COL25A1: variants seen among roughly 807,000 people sequenced by gnomAD.
COL25A1 encodes collagen alpha-1(XXV) chain.
A neutral mutation model predicts 128.4 loss-of-function variants in COL25A1; 103 were observed. The ratio of observed to expected loss-of-function variants is 0.80; its 90% confidence interval spans 0.68 to 0.94. COL25A1 has a LOEUF of 0.94. Among genes scored for constraint, COL25A1 ranks in the 40% least tolerant of loss-of-function variants. COL25A1 has a pLI of 0.00. For synonymous variants in COL25A1, 279 were observed against 277.2 expected (o/e 1.01, Z -0.06); for missense variants, 745 against 840.0 (o/e 0.89, Z 1.40).
chr4:109,078,256 T>G (rs1235431589), intron 3 of COL25A1, among the ~76,000 whole-genome samples: 37 of 152,152 alleles, frequency 2.4e-4, no homozygotes. Flanking sequence ...TAAATAAGAG[T>G]CAGGGATCTT....
At chr4:109,242,737 G>A (rs768948669) in intron 3 of COL25A1, among the ~76,000 whole-genome samples, 32 of 152,078 alleles carry the variant, frequency 2.1e-4, no homozygotes, top group Middle Eastern at 6.8e-3. Flanking sequence ...AGTTTGGGAA[G>A]TTCCTTATGC....
intron 37 of COL25A1, among the ~76,000 whole-genome samples, chr4:108,816,154 T>G (rs770432535): frequency 2.0e-5 from 3 of 152,144 alleles, no homozygotes; most frequent in Non-Finnish European, 4.4e-5. Flanking sequence ...TCAAGCTAAT[T>G]ATCTGACAGG....
intron 3 of COL25A1, among the ~76,000 whole-genome samples, chr4:109,164,526 T>G (rs1772886481): frequency 6.6e-6 from 1 of 152,164 alleles, no homozygotes; most frequent in African/African-American, 2.4e-5. Context: ...GAGACAGGAT[T>G]TGAGGAAACT....
At chr4:109,290,083 A>G (rs559459779) in intron 3 of COL25A1, among the ~76,000 whole-genome samples, 38 of 152,190 alleles carry the variant, frequency 2.5e-4, no homozygotes, top group African/African-American at 8.2e-4. Context: ...AATTCCTCTG[A>G]GATTTCTTCT....
rs372178594 is a variant in COL25A1, at chr4:108,832,375, C to T, written c.1710+5G>A. ...ACAAGCTTAATAACCTCAGCAACAA[C>T]TTACTCTTTCTCCTTTGGGACCTGC... On this transcript the variant is annotated splice_donor_5th_base_variant and intron_variant, in intron 32 of 37. Coordinates refer to ENST00000399132, the MANE Select transcript of COL25A1 (RefSeq NM_198721.4). The T allele has an allele frequency of 6.2e-7, 1 of 1,606,992 alleles. No individual in the cohort carries two copies. Among genetic ancestry groups the T allele is most frequent in the Non-Finnish European group, 8.5e-7 (1 of 1,175,466 alleles).
At chr4:109,057,741 G>T (rs1471243857) in intron 3 of COL25A1, among the ~76,000 whole-genome samples, 2 of 152,040 alleles carry the variant, frequency 1.3e-5, no homozygotes, top group Admixed American at 1.3e-4. Flanking sequence ...GTGGAGAGAG[G>T]TCAATAAACC....
chr4:108,871,460 C>G (rs1022994995), intron 19 of COL25A1, among the ~76,000 whole-genome samples: 1 of 151,762 alleles, frequency 6.6e-6, no homozygotes, highest in African/African-American at 2.4e-5. Context: ...GGACTACAGG[C>G]GCCCGCCACT....
chr4:108,932,594 A>G (rs1433190816), intron 11 of COL25A1, among the ~76,000 whole-genome samples: 1 of 152,206 alleles, frequency 6.6e-6, no homozygotes, highest in Non-Finnish European at 1.5e-5. Context: ...AAAGAGTTTC[A>G]GAACAGGAAA....
chr4:108,985,223 A>T (rs1342767876), intron 6 of COL25A1, among the ~76,000 whole-genome samples: 1 of 152,082 alleles, frequency 6.6e-6, no homozygotes, highest in Non-Finnish European at 1.5e-5. Context: ...AGTGAAGAAC[A>T]CTGTACCTAC....
intron 11 of COL25A1, among the ~76,000 whole-genome samples, chr4:108,927,302 T>C (rs1746182960): frequency 6.6e-6 from 1 of 152,194 alleles, no homozygotes; most frequent in Non-Finnish European, 1.5e-5. Flanking sequence ...TCCACTTGAC[T>C]AAAAATCCAC....
chr4:109,158,629 T>C (rs1427284044), intron 3 of COL25A1, among the ~76,000 whole-genome samples: 2 of 152,260 alleles, frequency 1.3e-5, no homozygotes, highest in South Asian at 2.1e-4. Flanking sequence ...GGGACAGAGA[T>C]CATGGACAAT....
intron 19 of COL25A1, among the ~76,000 whole-genome samples, chr4:108,883,210 A>G (rs1197614724): frequency 6.6e-6 from 1 of 151,852 alleles, no homozygotes; most frequent in African/African-American, 2.4e-5. Flanking sequence ...TGTATTTTTC[A>G]TAGATACAGG....
chr4:108,868,339 A>T (rs1738195977), intron 20 of COL25A1, among the ~76,000 whole-genome samples: 1 of 152,104 alleles, frequency 6.6e-6, no homozygotes, highest in Non-Finnish European at 1.5e-5. Flanking sequence ...GTGCCATTAG[A>T]AGTGTTAGTA....
intron 3 of COL25A1, among the ~76,000 whole-genome samples, chr4:109,138,646 CTGT>C (rs1770050630): frequency 2.6e-5 from 4 of 152,150 alleles, no homozygotes; most frequent in African/African-American, 9.7e-5. Context: ...TCTCCAGCAT[CTGT>C]TGTTTCCTGA....
At chr4:108,962,864 C>A (rs1299644480) in intron 8 of COL25A1, among the ~76,000 whole-genome samples, 1 of 152,152 alleles carries the variant, frequency 6.6e-6, no homozygotes, top group Admixed American at 6.5e-5. Flanking sequence ...AGATGAAAAG[C>A]AAACCTTCCT....
At chr4:109,093,414 G>A (rs1389252229) in intron 3 of COL25A1, among the ~76,000 whole-genome samples, 5 of 141,716 alleles carry the variant, frequency 3.5e-5, no homozygotes, top group Non-Finnish European at 7.6e-5. Context: ...GAGGCCAGGA[G>A]TTTGAGACCA....
intron 3 of COL25A1, among the ~76,000 whole-genome samples, chr4:109,226,192 A>C (rs940337933): frequency 1.3e-5 from 2 of 152,108 alleles, no homozygotes; most frequent in African/African-American, 4.8e-5. Context: ...GCACACAGAC[A>C]TGGAGTGTGG....
chr4:109,063,106 T>C (rs1431354050), intron 3 of COL25A1, among the ~76,000 whole-genome samples: 2 of 152,210 alleles, frequency 1.3e-5, no homozygotes, highest in African/African-American at 4.8e-5. Flanking sequence ...TGTTAGCCAA[T>C]ACATAATACA....
rs780241705 is a variant in COL25A1 at position 108,827,150 on chromosome 4, C to A, written c.1749G>T (p.Gly583=). 1 of 1,613,848 alleles carries A rather than the reference C, an allele frequency of 6.2e-7. No individual in the cohort carries two copies. The highest frequency in any genetic ancestry group is 1.3e-5 in the African/African-American group (1 of 75,048). ...AGGAACTCACAGGCAGCCCATAGGGCCCTCTTGGTCCAGGCTCTCCCATAG... is the reference window on the plus strand; with the variant it reads ...AGGAACTCACAGGCAGCCCATAGGGACCTCTTGGTCCAGGCTCTCCCATAG... The part of the protein sequence containing the change: ...KGAMGEPGPR[G]PYGLPGKDGE... Residue 583 remains glycine (G), a synonymous_variant, in exon 33 of 38, where the codon GGG becomes GGT. Transcript: ENST00000399132.
Sources: gnomAD v4.1 joint callset for allele counts (sites outside exome capture counted in the v4.1 genomes callset) on GRCh38, gnomAD v4.1.1 for gene constraint, MANE v1.5 for transcripts, NCBI Gene and HGNC (gene_info 2026-07-23, HGNC 2026-07-21) for gene names.